The following LYSMD4 variants were observed in gnomAD, a reference collection of about 807,000 sequenced individuals.
LYSMD4 encodes lysM and putative peptidoglycan-binding domain-containing protein 4.
LYSMD4 carries 9 observed loss-of-function variants against 6.1 expected under a neutral mutation model. That is an observed-to-expected ratio of 1.47 (90% CI 0.88 to 2.56). The LOEUF is 2.56. Ranked by LOEUF, LYSMD4 falls within the 30% of genes most tolerant of loss-of-function variation. LYSMD4 has a pLI of 0.00. For missense variants in LYSMD4, 384 were observed against 373.5 expected, an observed-to-expected ratio of 1.03 and a Z score of -0.23; for synonymous variants, 143 against 148.5, an observed-to-expected ratio of 0.96 and a Z score of 0.27.
Position 99,731,939 on chromosome 15 carries a change from G to C in LYSMD4, c.61C>G (p.Pro21Ala). ...TTAAACATGTATACGTGGCTGGTCG[G>C]AGTCCCACACACAACAGCTGGGCCT... Reference protein sequence around the residue: ...FQGPAVVCGTPTSHVYMFKNG... With the variant: ...FQGPAVVCGTATSHVYMFKNG... The change falls in exon 2 of 3, where the codon CCG (proline) becomes GCG (alanine). Residue 21 changes from proline (P) to alanine (A), a missense_variant. Physicochemically the swap from Pro to Ala is conservative, Grantham distance 27. Transcript: ENST00000684762. 6.2e-7 allele frequency: 1 copy of C among 1,611,868 alleles called. No homozygotes were observed. The highest frequency in any genetic ancestry group is 8.5e-7 in the Non-Finnish European group (1 of 1,179,264).
At chr15:99,733,039 A>G in intron 1 of LYSMD4, 1 of 292,824 alleles carries the variant, frequency 3.4e-6, no homozygotes, top group African/African-American at 2.2e-5. Flanking sequence ...CTGCGAAAAG[A>G]TGGGGCACCT....
chr15:99,716,623 G>A (rs572541499), exon 1 of LYSMD4: 1 of 456,636 alleles, frequency 2.2e-6, no homozygotes, highest in Admixed American at 2.3e-5. Context: ...CTTTCTCTGG[G>A]TTGAGACAGG....
rs2061007 is a variant in LYSMD4 at position 99,729,475 on chromosome 15, G to C, written c.539C>G (p.Ala180Gly). 0.57 allele frequency: 914,666 copies of C among 1,613,866 alleles called. 268,095 individuals carry two copies. Among genetic ancestry groups the C allele is most frequent in the Non-Finnish European group, 0.6 (705,972 of 1,179,950 alleles). Reference sequence around the variant, plus strand: ...ATGTAGAAAGATTTCTGACTGCACTGCACGCTCAATATCCTGGTCAATCCC... The same window carrying C: ...ATGTAGAAAGATTTCTGACTGCACTCCACGCTCAATATCCTGGTCAATCCC... ...FKGIDQDIER[A>G]VQSEIFLHES... Residue 180 changes from alanine (A) to glycine (G), a missense_variant, in exon 3 of 3, where the codon GCA (alanine) becomes GGA (glycine). Coordinates refer to ENST00000684762, the MANE Select transcript of LYSMD4 (RefSeq NM_001284417.2).
Position 99,731,773 on chromosome 15 carries a change from C to G in LYSMD4, c.227G>C (p.Arg76Pro). The G allele has an allele frequency of 6.2e-7, 1 of 1,610,104 alleles. No individual in the cohort carries two copies. Among genetic ancestry groups the G allele is most frequent in the Non-Finnish European group, 8.5e-7 (1 of 1,178,706 alleles). The change falls in exon 2 of 3, where the codon CGG (arginine) becomes CCG (proline). Residue 76 changes from arginine (R) to proline (P), a missense_variant. Transcript: ENST00000684762. The part of the protein sequence containing the change: ...AGAGDVVLLQ[R>P]ELAQEDSLNK... ...GAGGCTGTCCTCCTGGGCCAGCTCC[C>G]GCTGCAGCAGCACCACGTCACCTGC...
chr15:99,724,568 G>A (rs190589574), downstream of LYSMD4, among the ~76,000 whole-genome samples: 6 of 152,318 alleles, frequency 3.9e-5, no homozygotes, highest in Admixed American at 3.9e-4. Flanking sequence ...CCCAGCCCTG[G>A]CATAGGTCAT....
At position 99,731,776 on chromosome 15, in the gene LYSMD4, T is replaced by C. The variant is rs1461241449; in HGVS notation, c.224A>G (p.Gln75Arg). ...QAGAGDVVLL[Q>R]RELAQEDSLN... ...GCTGTCCTCCTGGGCCAGCTCCCGC[T>C]GCAGCAGCACCACGTCACCTGCTCC... is the stretch of plus-strand genomic sequence containing the variant. The change falls in exon 2 of 3, where the codon CAG becomes CGG. Residue 75 changes from glutamine to arginine, a missense_variant. Gln to Arg is a conservative substitution (Grantham distance 43). Coordinates refer to ENST00000684762, the MANE Select transcript of LYSMD4 (RefSeq NM_001284417.2). 3.7e-6 allele frequency: 6 copies of C among 1,610,656 alleles called. No individual in the cohort carries two copies. Among genetic ancestry groups the C allele is most frequent in the Non-Finnish European group, 5.1e-6 (6 of 1,178,998 alleles).
intron 2 of LYSMD4, chr15:99,731,056 A>T (rs2059396661): frequency 2.2e-6 from 2 of 897,560 alleles, no homozygotes; most frequent in East Asian, 5.0e-5. Context: ...TTCTTAAATT[A>T]AGTAGCTTAT....
Position 99,731,923 on chromosome 15 carries a change from T to C in LYSMD4, c.77A>G (p.Tyr26Cys). ...GTCCCCACTGCCATTCTTAAACATG[T>C]ATACGTGGCTGGTCGGAGTCCCACA... ...VVCGTPTSHV[Y>C]MFKNGSGDSG... Residue 26 changes from tyrosine to cysteine, a missense_variant, in exon 2 of 3, where the codon TAC becomes TGC. By Grantham distance (194) the Tyr-to-Cys change is radical. Transcript: ENST00000684762. 6.2e-7 allele frequency: 1 copy of C among 1,613,238 alleles called. No homozygotes were observed. The highest frequency in any genetic ancestry group is 8.5e-7 in the Non-Finnish European group (1 of 1,179,916).
At chr15:99,725,561 C>T (rs1367810182), downstream of LYSMD4, among the ~76,000 whole-genome samples, 1 of 152,182 alleles carries the variant, frequency 6.6e-6, no homozygotes, top group Non-Finnish European at 1.5e-5. Context: ...CACCCCAACA[C>T]AAGGGGCCTG....
At chr15:99,732,142 GA>G in intron 1 of LYSMD4, 135 bp from the exon 2 acceptor site, 7 of 907,652 alleles carry the variant, frequency 7.7e-6, no homozygotes, top group East Asian at 2.8e-5. Flanking sequence ...ATCATCAACA[GA>G]AAAAAAAGAA....
intron 1 of LYSMD4, among the ~76,000 whole-genome samples, chr15:99,732,218 G>A (rs1420553468): frequency 1.3e-5 from 2 of 152,154 alleles, no homozygotes; most frequent in Non-Finnish European, 2.9e-5. Flanking sequence ...TTTTCTAATC[G>A]CATACGTTTT....
upstream of LYSMD4, among the ~76,000 whole-genome samples, chr15:99,721,988 G>C (rs772896576): frequency 6.6e-5 from 10 of 152,116 alleles, no homozygotes; most frequent in Admixed American, 2.0e-4. Context: ...TAGAATTTGT[G>C]GGGGCACAGT....
exon 2 of LYSMD4, chr15:99,716,476 G>A (rs980956316): frequency 4.4e-6 from 2 of 456,714 alleles, no homozygotes; most frequent in Non-Finnish European, 8.8e-6. Flanking sequence ...AAGACGGACT[G>A]GCTCTTCCTG....
downstream of LYSMD4, among the ~76,000 whole-genome samples, chr15:99,725,030 G>T (rs924438398): frequency 6.6e-6 from 1 of 152,158 alleles, no homozygotes; most frequent in Non-Finnish European, 1.5e-5. Flanking sequence ...CTGTTCCCCC[G>T]CCTGGCCTGA....
chr15:99,730,096 T>A (rs955710542), intron 2 of LYSMD4, among the ~76,000 whole-genome samples: 1 of 152,240 alleles, frequency 6.6e-6, no homozygotes, highest in Non-Finnish European at 1.5e-5. Flanking sequence ...CTTTTCCACC[T>A]TTCACTTTTG....
At chr15:99,716,338 T>A in exon 1 of LYSMD4, 1 of 350,334 alleles carries the variant, frequency 2.9e-6, no homozygotes, top group East Asian at 7.5e-5. Flanking sequence ...TAAGTTAATC[T>A]CAATTTTTCC....
rs547529830 is a variant in LYSMD4 at position 99,729,616 on chromosome 15, A to C, written c.398T>G (p.Leu133Arg). 6.2e-7 allele frequency: 1 copy of C among 1,614,096 alleles called. No homozygotes were observed. The highest frequency in any genetic ancestry group is 2.2e-5 in the East Asian group (1 of 44,870). ...GGAAGACGGGCTCAGAAGGGGTTTC[A>C]GTTCTTTGTGGGTCTCCATCAGGAT... The part of the protein sequence containing the change: ...HGILMETHKE[L>R]KPLLSPSSET... Residue 133 changes from leucine to arginine, a missense_variant, in exon 3 of 3, where the codon CTG becomes CGG. Transcript: ENST00000684762.
chr15:99,728,956 T>TA lies in LYSMD4; in HGVS notation c.*166dup. The TA allele has an allele frequency of 1.1e-6, 1 of 931,776 alleles. No individual in the cohort carries two copies. The highest frequency in any genetic ancestry group is 1.6e-6 in the Non-Finnish European group (1 of 614,616). The allele number at this position is 931,776 out of a possible 1,614,324, so 57.7% of individuals were successfully genotyped here. Reference sequence around the variant, plus strand: ...TTAGATCCTGCCAGCTTAGACTGGGTAAGGCCATGCCCAGGGCCAGTGCAA... The same window carrying TA: ...TTAGATCCTGCCAGCTTAGACTGGGTAAAGGCCATGCCCAGGGCCAGTGCAA... On this transcript the variant is annotated 3_prime_UTR_variant, in exon 3 of 3. Transcript: ENST00000684762.
chr15:99,723,024 CTGTTT>C (rs1391234978), downstream of LYSMD4, among the ~76,000 whole-genome samples: 22 of 151,682 alleles, frequency 1.5e-4, no homozygotes, highest in Admixed American at 4.6e-4. Flanking sequence ...GAGCAAGACT[CTGTTT>C]TGTTTTGTTT....
Sources: allele counts gnomAD v4.1 joint callset (sites outside exome capture counted in the v4.1 genomes callset), GRCh38; gene constraint gnomAD v4.1.1; transcripts MANE v1.5; gene names NCBI Gene and HGNC (gene_info 2026-07-23, HGNC 2026-07-21).